Variants in KAT2B observed in about 807,000 individuals in gnomAD.
KAT2B encodes histone acetyltransferase KAT2B.
Under a neutral mutation model 105.9 loss-of-function variants are expected in KAT2B, and 36 were observed. The observed-to-expected ratio is 0.34, with a 90% confidence interval of 0.26 to 0.45. The LOEUF is 0.45. Ranked by LOEUF, KAT2B falls within the 20% of genes least tolerant of loss-of-function variation. The pLI is 1.00. For missense variants in KAT2B, 820 were observed against 1,021.6 expected (o/e 0.80, Z 2.69); for synonymous variants, 397 against 377.9 (o/e 1.05, Z -0.59).
chr3:20,096,716 C>T (rs189027063), intron 3 of KAT2B, among the ~76,000 whole-genome samples: 102 of 152,224 alleles, frequency 6.7e-4, no homozygotes, highest in Non-Finnish European at 8.7e-4. Context: ...GCTTTGGCTG[C>T]TAGGAATCTT....
chr3:20,040,837 C>CCCCCCTCCCCCTCCCGCTT, intron 1 of KAT2B, 57 bp downstream of exon 1: 2 of 1,489,488 alleles, frequency 1.3e-6, no homozygotes, highest in Non-Finnish European at 1.8e-6. Context: ...GCCCGCGGGA[C>CCCCCCTCCCCCTCCCGCTT]CCCCCTCCCC....
chr3:20,074,218 G>A (rs1698378999), intron 2 of KAT2B, among the ~76,000 whole-genome samples: 2 of 152,160 alleles, frequency 1.3e-5, no homozygotes, highest in Admixed American at 1.3e-4. Flanking sequence ...CCTTACTTAC[G>A]ATAGTAAAAA....
intron 1 of KAT2B, among the ~76,000 whole-genome samples, chr3:20,047,467 C>T (rs953592158): frequency 3.9e-5 from 6 of 152,102 alleles, no homozygotes; most frequent in Admixed American, 6.6e-5. Flanking sequence ...AGCTTTATTG[C>T]GGTATAATTT....
intron 2 of KAT2B, among the ~76,000 whole-genome samples, chr3:20,080,213 C>G (rs1358878601): frequency 6.6e-6 from 1 of 152,046 alleles, no homozygotes; most frequent in Non-Finnish European, 1.5e-5. Context: ...CAAGCAGGTT[C>G]AGTTCATTGA....
intron 11 of KAT2B, among the ~76,000 whole-genome samples, chr3:20,135,901 G>A (rs1219559834): frequency 6.6e-6 from 1 of 152,150 alleles, no homozygotes; most frequent in Non-Finnish European, 1.5e-5. Flanking sequence ...TTGGGTGAAC[G>A]TTAGGAAGGA....
At chr3:20,061,957 A>AAAACATAATATATATTATATATG (rs1559513849) in intron 1 of KAT2B, among the ~76,000 whole-genome samples, 8 of 81,702 alleles carry the variant, frequency 9.8e-5, no homozygotes, top group Admixed American at 5.1e-4. Flanking sequence ...TATTATATAT[A>AAAACATAATATATATTATATATG]AAACATAATA....
intron 11 of KAT2B, among the ~76,000 whole-genome samples, chr3:20,131,751 A>T (rs1312918148): frequency 6.6e-6 from 1 of 151,934 alleles, no homozygotes; most frequent in Non-Finnish European, 1.5e-5. Context: ...TTTTGTAGAG[A>T]TAGGGTCTCC....
At chr3:20,076,633 A>G (rs1274834787) in intron 2 of KAT2B, among the ~76,000 whole-genome samples, 2 of 152,150 alleles carry the variant, frequency 1.3e-5, no homozygotes, top group African/African-American at 2.4e-5. Context: ...TCTAATGATT[A>G]TTTACATTTG....
At chr3:20,106,967 ATATATATATATG>A (rs1434846235) in intron 5 of KAT2B, among the ~76,000 whole-genome samples, 292 of 15,426 alleles carry the variant, frequency 0.019, 2 homozygotes, top group African/African-American at 0.098. Context: ...ATGTGTATAT[ATATATATATATG>A]TATATATATA....
At chr3:20,085,841 T>TTA (rs1698604382) in intron 2 of KAT2B, among the ~76,000 whole-genome samples, 1 of 152,208 alleles carries the variant, frequency 6.6e-6, no homozygotes, top group African/African-American at 2.4e-5. Context: ...TGTAAGTTAT[T>TTA]TATATACTTA....
Position 20,099,895 on chromosome 3 carries a change from C to T in KAT2B, c.610C>T (p.Pro204Ser), listed in dbSNP as rs1227360723. The T allele has an allele frequency of 6.2e-7, 1 of 1,607,116 alleles. No homozygotes were observed. The highest frequency in any genetic ancestry group is 2.2e-5 in the East Asian group (1 of 44,808). ...AAAGTCTATTTTACAAAGAGGAAAA[C>T]CTGTGGTTGAAGGCTCTTTGGAAAA... ...LRKSILQRGK[P>S]VVEGSLEKKP... The change falls in exon 4 of 18, where the codon CCT becomes TCT. Residue 204 changes from proline (P) to serine (S), a missense_variant. This residue lies in a region of KAT2B where 173 missense variants were observed against 249.5 expected (regional missense o/e 0.69). Coordinates refer to ENST00000263754, the MANE Select transcript of KAT2B (RefSeq NM_003884.5).
chr3:20,115,231 T>C (rs764403827), intron 7 of KAT2B, among the ~76,000 whole-genome samples: 9 of 152,208 alleles, frequency 5.9e-5, no homozygotes, highest in East Asian at 1.9e-4. Flanking sequence ...CCACCAGGTA[T>C]AATGGTGGAT....
intron 6 of KAT2B, among the ~76,000 whole-genome samples, chr3:20,114,146 C>T (rs977055323): frequency 1.3e-5 from 2 of 151,986 alleles, no homozygotes; most frequent in Non-Finnish European, 2.9e-5. Flanking sequence ...ATCTGTATTT[C>T]TAATAAGGTT....
intron 1 of KAT2B, among the ~76,000 whole-genome samples, chr3:20,062,150 AAATATATAATATATAATATATAT>A (rs1302149541): frequency 2.1e-5 from 2 of 93,776 alleles, no homozygotes; most frequent in Non-Finnish European, 3.6e-5. Flanking sequence ...TAATATATAA[AAATATATAATATATAATATATAT>A]AATATATAAT....
chr3:20,151,553 T>A lies in KAT2B; in HGVS notation c.2306-779T>A, dbSNP rs143894331. Among the ~76,000 whole-genome samples, 40 of 152,248 alleles carry A rather than the reference T, an allele frequency of 2.6e-4. No individual in the cohort carries two copies. The East Asian group carries it at 7.5e-3, about 29-fold the overall frequency. ...CCAGGGAACCATAAATAGACAAATG[T>A]TAGCGTCTATTCTAATCTGCATAGA... On this transcript the variant is annotated intron_variant, in intron 17 of 17. Transcript: ENST00000263754.
rs774806913 is a variant in KAT2B, at chr3:20,140,318, G to A, written c.1958G>A (p.Arg653Gln). 8.1e-6 allele frequency: 13 copies of A among 1,613,726 alleles called. No individual in the cohort carries two copies. Among genetic ancestry groups the A allele is most frequent in the Middle Eastern group, 1.7e-4 (1 of 5,998 alleles). ...ATLMGCELNP[R>Q]IPYTEFSVII... ...TTAATGGGATGTGAGCTAAATCCAC[G>A]GATCCCGTACACAGAATTTTCTGTC... Residue 653 changes from arginine (R) to glutamine (Q), a missense_variant, in exon 13 of 18, where the codon CGG (arginine) becomes CAG (glutamine). Transcript: ENST00000263754.
In KAT2B at chr3:20,040,581, C is replaced by T. The variant is rs995249037; in HGVS notation, c.104C>T (p.Ala35Val). Residue 35 changes from alanine (A) to valine (V), a missense_variant, in exon 1 of 18, where the codon GCG (alanine) becomes GTG (valine). Ala to Val is a moderately conservative substitution (Grantham distance 64, BLOSUM62 0). This residue lies in a region of KAT2B where 190 missense variants were observed against 176.7 expected (regional missense o/e 1.08). Coordinates refer to ENST00000263754, the MANE Select transcript of KAT2B (RefSeq NM_003884.5). ...CCGCAGCCTGCGGCGCTTCCGCCCG[C>T]GCCCCCGCAGGGCTCCCCCTGCGCC... ...LPPQPAALPPAPPQGSPCAAA... is the reference protein window; with the variant it reads ...LPPQPAALPPVPPQGSPCAAA... 222 of 1,163,170 alleles carry T rather than the reference C, an allele frequency of 1.9e-4. No individual in the cohort carries two copies. In the African/African-American group the frequency reaches 3.4e-3, roughly 18 times the overall value. 72.1% of individuals were successfully genotyped at this position (1,163,170 alleles called of 1,614,324 possible).
intron 1 of KAT2B, among the ~76,000 whole-genome samples, chr3:20,062,336 AAATAT>A (rs1484873749): frequency 2.9e-5 from 3 of 102,890 alleles, no homozygotes; most frequent in African/African-American, 3.9e-5. Context: ...ATTATGTATA[AAATAT>A]AATATATAAT....
chr3:20,043,271 G>A (rs1398367644), intron 1 of KAT2B, among the ~76,000 whole-genome samples: 1 of 152,134 alleles, frequency 6.6e-6, no homozygotes, highest in Non-Finnish European at 1.5e-5. Flanking sequence ...TGGGTGTCAG[G>A]CATTGGGCTA....
Sources: allele counts gnomAD v4.1 joint callset (sites outside exome capture counted in the v4.1 genomes callset), GRCh38; gene constraint gnomAD v4.1.1; regional missense constraint gnomAD v4.1.1; transcripts MANE v1.5; gene names NCBI Gene and HGNC (gene_info 2026-07-23, HGNC 2026-07-21).